TMEM245: variants seen among roughly 807,000 people sequenced by gnomAD.
TMEM245 encodes the protein transmembrane protein 245, also known as protein CG-2.
A neutral mutation model predicts 101.2 loss-of-function variants in TMEM245; 69 were observed. The ratio of observed to expected loss-of-function variants is 0.68; its 90% confidence interval spans 0.56 to 0.83. The LOEUF (loss-of-function observed/expected upper bound fraction) is 0.83, where lower values mean the gene tolerates loss of function less well. Ranked by LOEUF, TMEM245 falls within the 40% of genes least tolerant of loss-of-function variation. The probability of loss-of-function intolerance (pLI) is 0.00; values close to 1 mark genes in which losing one functional copy is unlikely to be tolerated. For missense variants in TMEM245, 1,075 were observed against 1,092.8 expected (o/e 0.98, Z 0.23); for synonymous variants, 537 against 449.8 (o/e 1.19, Z -2.45).
intron 14 of TMEM245, among the ~76,000 whole-genome samples, chr9:109,049,338 A>C (rs1431398311): frequency 1.3e-5 from 2 of 152,090 alleles, no homozygotes; most frequent in Admixed American, 6.6e-5. Context: ...TCAACCTCTT[A>C]AGTAGCTGGG....
Position 109,087,355 on chromosome 9 carries a change from A to C in TMEM245, c.1151-13T>G, listed in dbSNP as rs1829873453. The stretch of plus-strand genomic sequence containing the variant: ...TTGAGTATCCAGACTAAAAAAAGAC[A>C]AAAAATACATATATAAACAAAATAT... On this transcript the variant is annotated splice_polypyrimidine_tract_variant and intron_variant, in intron 5 of 17. Transcript: ENST00000374586. 2.5e-6 allele frequency: 4 copies of C among 1,583,162 alleles called. No homozygotes were observed. The highest frequency in any genetic ancestry group is 3.4e-6 in the Non-Finnish European group (4 of 1,170,440).
intron 3 of TMEM245, among the ~76,000 whole-genome samples, chr9:109,094,210 T>G (rs1452271144): frequency 2.0e-5 from 3 of 152,232 alleles, no homozygotes; most frequent in African/African-American, 7.2e-5. Flanking sequence ...TTGCACTAAA[T>G]TCAAGTAAAA....
At chr9:109,078,707 G>A (rs926014676) in intron 8 of TMEM245, among the ~76,000 whole-genome samples, 1 of 152,212 alleles carries the variant, frequency 6.6e-6, no homozygotes, top group African/African-American at 2.4e-5. Flanking sequence ...TGACTATGAT[G>A]TAGCTAGGCA....
intron 17 of TMEM245, among the ~76,000 whole-genome samples, chr9:109,030,130 A>C (rs78392506): frequency 0.017 from 2,635 of 152,342 alleles, 75 homozygotes; most frequent in African/African-American, 0.061. Context: ...TGATGCCTAT[A>C]TATGACCAAA....
At position 109,119,583 on chromosome 9, in the gene TMEM245, G is replaced by A. The variant is rs760788695; in HGVS notation, c.331C>T (p.Arg111Cys). 3.9e-6 allele frequency: 6 copies of A among 1,547,644 alleles called. No individual in the cohort carries two copies. The highest frequency in any genetic ancestry group is 2.5e-5 in the East Asian group (1 of 40,788). ...LTRLGRHWLQ[R>C]LHRAHTPIVL... ...ATGGGCGTGTGCGCGCGGTGCAGGC[G>A]CTGCAGCCAGTGGCGGCCCAGGCGC... The change falls in exon 1 of 18, where the codon CGC (arginine) becomes TGC (cysteine). Residue 111 changes from arginine (R) to cysteine (C), a missense_variant. Physicochemically the swap from Arg to Cys is radical, Grantham distance 180. Coordinates refer to ENST00000374586, the MANE Select transcript of TMEM245 (RefSeq NM_032012.4).
chr9:109,102,728 A>G (rs1409628235), intron 3 of TMEM245, among the ~76,000 whole-genome samples: 2 of 152,200 alleles, frequency 1.3e-5, no homozygotes, highest in African/African-American at 2.4e-5. Context: ...GTTTCTCTGT[A>G]TTTCCTAACT....
At chr9:109,034,619 A>AT (rs145496984) in intron 16 of TMEM245, among the ~76,000 whole-genome samples, 1,721 of 152,016 alleles carry the variant, frequency 0.011, 60 homozygotes, top group Admixed American at 0.069. Context: ...ACTAATCTTT[A>AT]TATTTTTGTG....
At chr9:109,043,579 C>G (rs962204243) in intron 14 of TMEM245, among the ~76,000 whole-genome samples, 3 of 145,854 alleles carry the variant, frequency 2.1e-5, no homozygotes, top group Non-Finnish European at 3.0e-5. Flanking sequence ...TTAGTCCAAG[C>G]TCTCCTAGCA....
chr9:109,045,051 T>A (rs984228805), intron 14 of TMEM245, among the ~76,000 whole-genome samples: 5 of 152,200 alleles, frequency 3.3e-5, no homozygotes, highest in African/African-American at 1.2e-4. Context: ...TGAGCCACCG[T>A]ACCTGGCCTC....
At chr9:109,082,650 ATT>A (rs78965338) in intron 7 of TMEM245, among the ~76,000 whole-genome samples, 55,555 of 149,614 alleles carry the variant, frequency 0.37, 10,679 homozygotes, top group Non-Finnish European at 0.43. Flanking sequence ...TAGAGCCTCT[ATT>A]TTTTTTTTTT....
At chr9:109,060,283 C>T in intron 11 of TMEM245, 71 bp downstream of exon 11, 2 of 1,096,118 alleles carry the variant, frequency 1.8e-6, no homozygotes, top group Non-Finnish European at 1.3e-6. Flanking sequence ...GAATATAATC[C>T]TATCTAGTTG....
intron 12 of TMEM245, among the ~76,000 whole-genome samples, chr9:109,056,580 C>T (rs1422152726): frequency 2.6e-5 from 4 of 151,816 alleles, no homozygotes; most frequent in Admixed American, 1.3e-4. Flanking sequence ...CACACTACTG[C>T]ACTCCAGCCT....
chr9:109,038,338 AAT>A (rs201428313), intron 14 of TMEM245: 6,000 of 353,754 alleles, frequency 0.017, 77 homozygotes, highest in Non-Finnish European at 0.023. Context: ...TTTATTTGGA[AAT>A]ATGTTTACTA....
chr9:109,029,013 T>A (rs1447953692), intron 17 of TMEM245, among the ~76,000 whole-genome samples: 1 of 152,146 alleles, frequency 6.6e-6, no homozygotes, highest in Non-Finnish European at 1.5e-5. Flanking sequence ...CTGTTACATG[T>A]CATACAAAAT....
intron 17 of TMEM245, among the ~76,000 whole-genome samples, chr9:109,028,293 T>C (rs975345758): frequency 6.6e-5 from 10 of 151,440 alleles, no homozygotes; most frequent in African/African-American, 9.7e-5. Flanking sequence ...CTACTAAAAA[T>C]ACAAAAATTA....
rs755062654 is a variant in TMEM245, at chr9:109,087,162, A to C, written c.1320+11T>G. The C allele has an allele frequency of 1.9e-6, 3 of 1,596,756 alleles. No homozygotes were observed. In the Admixed American group the frequency reaches 5.5e-5, roughly 29 times the overall value. ...TCCATTAAGACAGCCCAAGTCCTTA[A>C]AATACAATACCTTGCTATCAACTTT... On this transcript the variant is annotated intron_variant, in intron 6 of 17. Coordinates refer to ENST00000374586, the MANE Select transcript of TMEM245 (RefSeq NM_032012.4).
At chr9:109,026,905 C>G (rs924916479) in intron 17 of TMEM245, among the ~76,000 whole-genome samples, 2 of 152,084 alleles carry the variant, frequency 1.3e-5, no homozygotes, top group Admixed American at 6.6e-5. Flanking sequence ...CCTGCTCCCC[C>G]TTTGCCTTCC....
intron 4 of TMEM245, among the ~76,000 whole-genome samples, chr9:109,091,694 T>C (rs758014495): frequency 6.6e-6 from 1 of 152,134 alleles, no homozygotes; most frequent in African/African-American, 2.4e-5. Context: ...ACAGATTTCT[T>C]GGGTGAGGAT....
intron 3 of TMEM245, among the ~76,000 whole-genome samples, chr9:109,094,021 C>T (rs1830074982): frequency 1.3e-5 from 2 of 152,210 alleles, no homozygotes; most frequent in Non-Finnish European, 2.9e-5. Context: ...GTCATAACAA[C>T]ATTCCACAAA....
Sources: gnomAD v4.1 joint callset for allele counts (sites outside exome capture counted in the v4.1 genomes callset) on GRCh38, gnomAD v4.1.1 for gene constraint, MANE v1.5 for transcripts, NCBI Gene and HGNC (gene_info 2026-07-23, HGNC 2026-07-21) for gene names.